Variants in WDR5 observed in about 807,000 individuals in gnomAD.
The protein encoded by WDR5 is WD repeat domain 5.
For missense variants in WDR5, 187 were observed against 416.9 expected (o/e 0.45, Z 4.80); for synonymous variants, 144 against 161.6 (o/e 0.89, Z 0.83).
rs1361932393 is a variant in WDR5, at chr9:134,148,236, T to TC, written c.529-49dup. The TC allele has an allele frequency of 7.6e-5, 79 of 1,044,276 alleles. No individual in the cohort carries two copies. In the African/African-American group the frequency reaches 1.2e-3, roughly 16 times the overall value. 64.7% of individuals were successfully genotyped at this position (1,044,276 alleles called of 1,614,324 possible). A position where few individuals can be genotyped will look rare whatever the true frequency, so the allele number is the denominator to read the frequency against. ...TGAGATCAGGTAAGAAGCAGTTGTG[T>TC]CCCTGACTTGAAAGTAAGTTTTTGT... On this transcript the variant is annotated intron_variant, in intron 7 of 13. Coordinates refer to ENST00000358625, the MANE Select transcript of WDR5 (RefSeq NM_017588.3).
intron 12 of WDR5, among the ~76,000 whole-genome samples, chr9:134,156,022 C>G (rs977763501): frequency 6.6e-6 from 1 of 152,222 alleles, no homozygotes; most frequent in African/African-American, 2.4e-5. Context: ...CTTCCGAGGG[C>G]GCTGGGACCC....
Position 134,158,019 on chromosome 9 carries a change from A to G in WDR5, c.*26A>G, listed in dbSNP as rs1267393949. 2 of 1,607,754 alleles carry G rather than the reference A, an allele frequency of 1.2e-6. No homozygotes were observed. Among genetic ancestry groups the G allele is most frequent in the Non-Finnish European group, 1.7e-6 (2 of 1,174,434 alleles). ...GTCCCTTTGCTCCTGCCCGCGAGAG[A>G]CTGTCGGGAAGTTGACCCGGATTGG... is the stretch of plus-strand genomic sequence containing the variant. On this transcript the variant is annotated 3_prime_UTR_variant, in exon 14 of 14. Transcript: ENST00000358625.
At chr9:134,139,295 G>GC (rs563571584) in intron 1 of WDR5, among the ~76,000 whole-genome samples, 22 of 152,254 alleles carry the variant, frequency 1.4e-4, no homozygotes, top group East Asian at 1.3e-3. Context: ...AGGCACTGGA[G>GC]CCCCCCCATG....
Position 134,157,484 on chromosome 9 carries a change from G to A in WDR5, c.905-409G>A, listed in dbSNP as rs1331031212. On this transcript the variant is annotated intron_variant, in intron 13 of 13. Coordinates refer to ENST00000358625, the MANE Select transcript of WDR5 (RefSeq NM_017588.3). The surrounding 1 kb of genome is among the most constrained non-coding windows in gnomAD (Gnocchi z 5.0). ...TGGGCGGCTCAGGGTCCGAGGAGAA[G>A]AGGGACATTGTCGATAAAGGACTGA... Among the ~76,000 whole-genome samples the A allele has an allele frequency of 6.6e-6, 1 of 152,130 alleles. No homozygotes were observed. The highest frequency in any genetic ancestry group is 2.1e-4 in the South Asian group (1 of 4,820).
At chr9:134,143,215 C>T (rs1031102162) in intron 7 of WDR5, among the ~76,000 whole-genome samples, 3 of 152,204 alleles carry the variant, frequency 2.0e-5, no homozygotes, top group African/African-American at 4.8e-5. Flanking sequence ...AGGGACACGT[C>T]CTGCCATTTT....
At chr9:134,144,476 G>A (rs1156941036) in intron 7 of WDR5, among the ~76,000 whole-genome samples, 1 of 152,170 alleles carries the variant, frequency 6.6e-6, no homozygotes, top group Non-Finnish European at 1.5e-5. Flanking sequence ...AGCGCAGGTG[G>A]GACTCGCGGT....
chr9:134,157,675 C>T lies in WDR5; in HGVS notation c.905-218C>T, dbSNP rs1042870107. On this transcript the variant is annotated intron_variant, in intron 13 of 13. Coordinates refer to ENST00000358625, the MANE Select transcript of WDR5 (RefSeq NM_017588.3). This position sits in a 1 kb window ranked among gnomAD's most constrained non-coding sequence, Gnocchi z 5.0. ...CCTGTGGCCTCCTGCCCCTGTCCCC[C>T]AACCGGCTGTGTCGCCCTGGTACCG... 6.6e-6 allele frequency among the ~76,000 whole-genome samples: 1 copy of T among 152,136 alleles called. No individual in the cohort carries two copies. The highest frequency in any genetic ancestry group is 2.4e-5 in the African/African-American group (1 of 41,428).
At chr9:134,141,733 T>A in intron 4 of WDR5, 150 bp downstream of exon 4, 3 of 949,268 alleles carry the variant, frequency 3.2e-6, no homozygotes, top group Non-Finnish European at 4.7e-6. Context: ...CTTGAACTTT[T>A]AACCCAAATA....
chr9:134,148,436 A>G lies in WDR5; in HGVS notation c.584+93A>G. ...CTGCATCTGGGGGTACAGCAGTGAC[A>G]AAAGACCCAAGTCCTTAATTTCCGA... On this transcript the variant is annotated intron_variant, in intron 8 of 13. Transcript: ENST00000358625. 6 of 1,142,376 alleles carry G rather than the reference A, an allele frequency of 5.3e-6. No homozygotes were observed. The South Asian group carries it at 8.2e-5, about 16-fold the overall frequency. The allele number at this position is 1,142,376 out of a possible 1,614,324, so 70.8% of individuals were successfully genotyped here.
At chr9:134,136,363 C>T (rs1455855184) in intron 1 of WDR5, among the ~76,000 whole-genome samples, 163 bp downstream of exon 1, 1 of 150,882 alleles carries the variant, frequency 6.6e-6, no homozygotes, top group Non-Finnish European at 1.5e-5. Flanking sequence ...CCGGGACCCC[C>T]GCCCCGGCCC....
intron 1 of WDR5, among the ~76,000 whole-genome samples, chr9:134,136,742 C>G (rs868293773): frequency 2.0e-5 from 3 of 152,176 alleles, no homozygotes; most frequent in Admixed American, 6.5e-5. Flanking sequence ...CGCGCGGGGC[C>G]GCAGACCTGT....
intron 1 of WDR5, among the ~76,000 whole-genome samples, chr9:134,139,302 C>T (rs1056075291): frequency 3.9e-5 from 6 of 152,216 alleles, no homozygotes; most frequent in African/African-American, 7.2e-5. Flanking sequence ...GGAGCCCCCC[C>T]ATGAGGCGTA....
chr9:134,150,936 G>A (rs1219196346), intron 8 of WDR5, among the ~76,000 whole-genome samples: 3 of 152,208 alleles, frequency 2.0e-5, no homozygotes, highest in Non-Finnish European at 4.4e-5. Flanking sequence ...AAAATGCTAA[G>A]ATGTTTAGGA....
In WDR5 at chr9:134,156,582, A is replaced by G; in HGVS notation, c.893A>G (p.Gln298Arg). ...LQTKEIVQKL[Q>R]GHTDVVISTA... Reference sequence around the variant, plus strand: ...ACGAAAGAGATTGTACAGAAACTACAAGGCCACACAGGTGAGGGCCTGCGC... The same window carrying G: ...ACGAAAGAGATTGTACAGAAACTACGAGGCCACACAGGTGAGGGCCTGCGC... Residue 298 changes from glutamine to arginine, a missense_variant, in exon 13 of 14, where the codon CAA becomes CGA. Transcript: ENST00000358625. 5 of 1,614,210 alleles carry G rather than the reference A, an allele frequency of 3.1e-6. No homozygotes were observed. Among genetic ancestry groups the G allele is most frequent in the Non-Finnish European group, 4.2e-6 (5 of 1,180,028 alleles).
intron 9 of WDR5, among the ~76,000 whole-genome samples, chr9:134,153,451 C>T (rs1832592853): frequency 1.3e-5 from 2 of 152,238 alleles, no homozygotes; most frequent in South Asian, 4.1e-4. Context: ...GAGGCTCTGC[C>T]CAGGCAGCCT....
intron 8 of WDR5, among the ~76,000 whole-genome samples, chr9:134,151,629 C>T (rs1832491344): frequency 6.6e-6 from 1 of 152,212 alleles, no homozygotes; most frequent in South Asian, 2.1e-4. Flanking sequence ...TGGGCAGAGC[C>T]TGCGAGAAGC....
At position 134,139,889 on chromosome 9, in the gene WDR5, G is replaced by A; in HGVS notation, c.12G>A (p.Glu4=). The change falls in exon 2 of 14, where the codon GAG becomes GAA. Residue 4 remains glutamate, a synonymous_variant. Transcript: ENST00000358625. MAT[E]EKKPETEAAR... ...CCAGCGTCAGAGCCATGGCGACGGA[G>A]GAGAAGAAGCCCGAGACCGAGGCCG... 6.2e-7 allele frequency: 1 copy of A among 1,613,512 alleles called. No homozygotes were observed. The highest frequency in any genetic ancestry group is 8.5e-7 in the Non-Finnish European group (1 of 1,180,004).
chr9:134,136,267 A>G (rs1408675543), intron 1 of WDR5, 67 bp downstream of exon 1: 1 of 148,574 alleles, frequency 6.7e-6, no homozygotes, highest in Non-Finnish European at 1.5e-5. Flanking sequence ...GAAGCTTCCA[A>G]ACCGCACCCG....
intron 7 of WDR5, among the ~76,000 whole-genome samples, chr9:134,147,477 C>A (rs946586846): frequency 6.6e-6 from 1 of 152,174 alleles, no homozygotes; most frequent in Non-Finnish European, 1.5e-5. Context: ...ATCTAGTGAG[C>A]AAAGGACAAG....
Sources: gnomAD v4.1 joint callset for allele counts (sites outside exome capture counted in the v4.1 genomes callset) on GRCh38, gnomAD v4.1.1 for gene constraint, Gnocchi (gnomAD v3.1) non-coding constraint, MANE v1.5 for transcripts, NCBI Gene and HGNC (gene_info 2026-07-23, HGNC 2026-07-21) for gene names.